The following DOCK8 variants were observed in gnomAD, a reference collection of about 807,000 sequenced individuals.
DOCK8 encodes the protein dedicator of cytokinesis protein 8.
DOCK8 carries 141 observed loss-of-function variants against 245.6 expected under a neutral mutation model. That is an observed-to-expected ratio of 0.57 (90% CI 0.50 to 0.66). DOCK8 has a LOEUF of 0.66. Among genes scored for constraint, DOCK8 ranks in the 30% least tolerant of loss-of-function variants. The probability of loss-of-function intolerance (pLI) is 0.00; values close to 1 mark genes in which losing one functional copy is unlikely to be tolerated. For missense variants in DOCK8, 2,965 were observed against 2,603.4 expected (o/e 1.14, Z -3.02); for synonymous variants, 1,168 against 970.2 (o/e 1.20, Z -3.79).
At chr9:294,133 C>A (rs1348767247) in intron 4 of DOCK8, among the ~76,000 whole-genome samples, 1 of 152,162 alleles carries the variant, frequency 6.6e-6, no homozygotes, top group Non-Finnish European at 1.5e-5. Context: ...GAGCTATATC[C>A]CATTCTACTG....
chr9:272,756 G>C, intron 2 of DOCK8: 1 of 152,186 alleles, frequency 6.6e-6, no homozygotes, highest in Non-Finnish European at 1.5e-5. Flanking sequence ...AATGCCAATT[G>C]TTGAGTGTGC....
intron 28 of DOCK8, 93 bp from the exon 29 acceptor site, chr9:414,689 C>A: frequency 1.3e-6 from 2 of 1,504,440 alleles, no homozygotes; most frequent in Non-Finnish European, 1.8e-6. Flanking sequence ...CACCTCATTG[C>A]TTAGGAGCGT....
At chr9:312,242 T>C (rs1368862073) in intron 6 of DOCK8, 76 bp downstream of exon 6, 1 of 1,513,024 alleles carries the variant, frequency 6.6e-7, no homozygotes, top group Admixed American at 1.9e-5. Flanking sequence ...TGTTGTTCAT[T>C]ATTACTATAT....
At chr9:244,466 A>G (rs1006118306) in intron 1 of DOCK8, among the ~76,000 whole-genome samples, 4 of 152,006 alleles carry the variant, frequency 2.6e-5, no homozygotes, top group African/African-American at 4.8e-5. Context: ...CGCACAGAGC[A>G]CTCTCTACTG....
chr9:346,312 A>G (rs570839152), intron 14 of DOCK8, among the ~76,000 whole-genome samples: 34 of 151,932 alleles, frequency 2.2e-4, no homozygotes, highest in Non-Finnish European at 4.4e-4. Flanking sequence ...AGCTGGTACT[A>G]GAGACACCAG....
intron 14 of DOCK8, chr9:365,642 T>G (rs1036534236): frequency 3.3e-5 from 15 of 455,364 alleles, no homozygotes; most frequent in Non-Finnish European, 5.3e-5. Flanking sequence ...CACAGCCCTT[T>G]GAGGTCGATG....
At chr9:418,302 C>CAAA in intron 30 of DOCK8, 95 bp downstream of exon 30, 2 of 1,510,142 alleles carry the variant, frequency 1.3e-6, no homozygotes, top group Non-Finnish European at 1.8e-6. Context: ...GACAGAGTCT[C>CAAA]ACTCTGTTGC....
At chr9:434,737 T>C (rs1418831279) in intron 38 of DOCK8, 46 bp from the exon 39 acceptor site, 3 of 1,598,480 alleles carry the variant, frequency 1.9e-6, no homozygotes, top group Non-Finnish European at 2.6e-6. Flanking sequence ...AACAGTGTCA[T>C]TAACCCACTG....
Position 376,218 on chromosome 9 carries a change from A to G in DOCK8, c.2118A>G (p.Pro706=), listed in dbSNP as rs765741720. Residue 706 remains proline (P), a synonymous_variant, in exon 19 of 48, where the codon CCA becomes CCG. Coordinates refer to ENST00000432829, the MANE Select transcript of DOCK8 (RefSeq NM_203447.4). ...NYSMHSAEKV[P]LQNPPIKWAE... ...TTTTCTCTTTAACACAGAAAGTCCC[A>G]TTACAGAATCCTCCCATTAAGTGGG... 1.2e-6 allele frequency: 2 copies of G among 1,609,740 alleles called. No individual in the cohort carries two copies. Among genetic ancestry groups the G allele is most frequent in the Admixed American group, 1.7e-5 (1 of 59,996 alleles).
intron 1 of DOCK8, among the ~76,000 whole-genome samples, chr9:262,193 A>G (rs1038691542): frequency 6.6e-6 from 1 of 152,128 alleles, no homozygotes; most frequent in Non-Finnish European, 1.5e-5. Flanking sequence ...ATACCACCAC[A>G]TACAACATGT....
chr9:453,514 C>G (rs545017457), intron 46 of DOCK8, among the ~76,000 whole-genome samples: 1 of 152,194 alleles, frequency 6.6e-6, no homozygotes, highest in Non-Finnish European at 1.5e-5. Flanking sequence ...GCAACCTCCA[C>G]TTCCCAGGCT....
intron 14 of DOCK8, among the ~76,000 whole-genome samples, chr9:344,813 C>T (rs1449188780): frequency 6.6e-6 from 1 of 151,838 alleles, no homozygotes; most frequent in Non-Finnish European, 1.5e-5. Context: ...TTTCGGAGGC[C>T]AAGGCAGGTG....
At chr9:420,270 A>G (rs2056219655) in intron 30 of DOCK8, 131 bp from the exon 31 acceptor site, 4 of 990,704 alleles carry the variant, frequency 4.0e-6, no homozygotes, top group Non-Finnish European at 4.7e-6. Context: ...TCTCCAGCCT[A>G]GCAGTGATGT....
intron 33 of DOCK8, among the ~76,000 whole-genome samples, chr9:425,538 C>CAAAA (rs35853132): frequency 1.8e-5 from 1 of 54,376 alleles, no homozygotes; most frequent in African/African-American, 5.6e-5. Flanking sequence ...GACTCCGTCT[C>CAAAA]AAAAAAAAAA....
At chr9:228,803 T>C (rs544117409) in intron 1 of DOCK8, among the ~76,000 whole-genome samples, 2 of 152,278 alleles carry the variant, frequency 1.3e-5, no homozygotes, top group African/African-American at 4.8e-5. Context: ...AGCTGGACAG[T>C]TATTCTGCTG....
At chr9:430,105 T>G (rs561685993) in intron 36 of DOCK8, among the ~76,000 whole-genome samples, 1 of 152,350 alleles carries the variant, frequency 6.6e-6, no homozygotes, top group South Asian at 2.1e-4. Context: ...CCAGGAACGA[T>G]GGCTTTCACC....
At chr9:381,899 G>T (rs1465743763) in intron 21 of DOCK8, among the ~76,000 whole-genome samples, 3 of 151,912 alleles carry the variant, frequency 2.0e-5, no homozygotes, top group African/African-American at 7.3e-5. Context: ...GGCGGAGGTT[G>T]CAGTGAGCTG....
chr9:310,514 A>G (rs1351446649), intron 5 of DOCK8, among the ~76,000 whole-genome samples: 1 of 152,228 alleles, frequency 6.6e-6, no homozygotes, highest in Non-Finnish European at 1.5e-5. Flanking sequence ...GCTGGAGTAC[A>G]GTGGCACCAT....
chr9:348,704 T>A (rs1315128834), intron 14 of DOCK8, among the ~76,000 whole-genome samples: 1 of 152,268 alleles, frequency 6.6e-6, no homozygotes, highest in African/African-American at 2.4e-5. Flanking sequence ...CTTTGATTTC[T>A]ATACTTTTGT....
Sources: allele counts gnomAD v4.1 joint callset (sites outside exome capture counted in the v4.1 genomes callset), GRCh38; gene constraint gnomAD v4.1.1; transcripts MANE v1.5; gene names NCBI Gene and HGNC (gene_info 2026-07-23, HGNC 2026-07-21).